The following NANOS3 variants were observed in gnomAD, a reference collection of about 807,000 sequenced individuals.
NANOS3 encodes nanos homolog 3.
A neutral mutation model predicts 13.8 loss-of-function variants in NANOS3; 11 were observed. The observed-to-expected ratio is 0.80, with a 90% CI of 0.50 to 1.32. The LOEUF is 1.32. NANOS3 is among the 40% of genes most tolerant of loss of function. The pLI is 0.00. For missense variants in NANOS3, 221 were observed against 263.8 expected, an observed-to-expected ratio of 0.84 and a Z score of 1.12; for synonymous variants, 119 against 115.4, an observed-to-expected ratio of 1.03 and a Z score of -0.20.
chr19:13,866,579 A>T (rs1019199743), intron 1 of NANOS3, among the ~76,000 whole-genome samples: 1 of 152,250 alleles, frequency 6.6e-6, no homozygotes, highest in Non-Finnish European at 1.5e-5. Flanking sequence ...AAGGGCTCGG[A>T]CATCCAGGGA....
At chr19:13,868,445 C>T (rs1292750698) in intron 1 of NANOS3, among the ~76,000 whole-genome samples, 1 of 151,824 alleles carries the variant, frequency 6.6e-6, no homozygotes, top group East Asian at 1.9e-4. Context: ...GAAATCTGAA[C>T]GAGCACAGTG....
chr19:13,872,410 C>T (rs998098720), upstream of NANOS3, among the ~76,000 whole-genome samples: 1 of 151,390 alleles, frequency 6.6e-6, no homozygotes, highest in Non-Finnish European at 1.5e-5. Flanking sequence ...AGGCTAGTCT[C>T]AACTTCTGGG....
In NANOS3 at chr19:13,877,649, G is replaced by A; in HGVS notation, c.401G>A (p.Gly134Asp). The A allele has an allele frequency of 6.2e-7, 1 of 1,612,216 alleles. No individual in the cohort carries two copies. The highest frequency in any genetic ancestry group is 8.5e-7 in the Non-Finnish European group (1 of 1,179,984). The part of the protein sequence containing the change: ...TRRFCPLTGQ[G>D]YTSVYSHTTR... Reference sequence around the variant, plus strand: ...CGCTTCTGCCCACTTACTGGCCAGGGCTACACCTCCGTCTACAGCCACACC... The same window carrying A: ...CGCTTCTGCCCACTTACTGGCCAGGACTACACCTCCGTCTACAGCCACACC... The change falls in exon 1 of 2, where the codon GGC (glycine) becomes GAC (aspartate). Residue 134 changes from glycine to aspartate, a missense_variant. By Grantham distance (94) the Gly-to-Asp change is moderately conservative. Coordinates refer to ENST00000339133, the MANE Select transcript of NANOS3 (RefSeq NM_001098622.3).
Position 13,865,551 on chromosome 19 carries a change from C to G in NANOS3, n.21+114C>G, listed in dbSNP as rs575488948. 6 of 146,028 alleles carry G rather than the reference C, an allele frequency of 4.1e-5. No homozygotes were observed. The South Asian group carries it at 6.3e-4, about 15-fold the overall frequency. 9.0% of individuals were successfully genotyped at this position (146,028 alleles called of 1,614,324 possible). On this transcript the variant is annotated intron_variant and non_coding_transcript_variant, in intron 1 of 2. Transcript: ENST00000591161. ...GCCGCAGCCCCCTCGCGCACCTGCT[C>G]GCAGCCCCGGGGCGGGCGCCCCGGC...
chr19:13,876,437 G>A (rs2145078595), upstream of NANOS3, among the ~76,000 whole-genome samples: 1 of 152,316 alleles, frequency 6.6e-6, no homozygotes, highest in Non-Finnish European at 1.5e-5. Flanking sequence ...TGGGATGACA[G>A]GCATGAGCCA....
At chr19:13,879,870 C>A (rs973010431) in intron 1 of NANOS3, among the ~76,000 whole-genome samples, 4 of 152,080 alleles carry the variant, frequency 2.6e-5, no homozygotes, top group Admixed American at 6.6e-5. Context: ...ACTGAAAATA[C>A]AAAAAATTAA....
At chr19:13,870,952 C>T (rs2145069717) in intron 1 of NANOS3, among the ~76,000 whole-genome samples, 1 of 151,962 alleles carries the variant, frequency 6.6e-6, no homozygotes, top group Non-Finnish European at 1.5e-5. Context: ...AAAGACCCTC[C>T]CAGCTGCACT....
At position 13,877,421 on chromosome 19, in the gene NANOS3, C is replaced by T. The variant is rs775979307; in HGVS notation, c.173C>T (p.Pro58Leu). Residue 58 changes from proline to leucine, a missense_variant, in exon 1 of 2, where the codon CCG (proline) becomes CTG (leucine). Around this residue, in one of 3 missense-constraint regions of NANOS3, gnomAD observed 112 missense variants for 116.3 expected, o/e 0.96. Coordinates refer to ENST00000339133, the MANE Select transcript of NANOS3 (RefSeq NM_001098622.3). ...PMPAPESVPV[P>L]GPKDQKRSLE... is the part of the protein sequence containing the mutation. ...CCAGCGCCGGAGTCGGTGCCAGTGC[C>T]GGGACCCAAGGATCAGAAGCGCAGC... is the stretch of plus-strand genomic sequence containing the variant. 1.2e-5 allele frequency: 19 copies of T among 1,612,280 alleles called. No individual in the cohort carries two copies. Among genetic ancestry groups the T allele is most frequent in the South Asian group, 5.5e-5 (5 of 91,080 alleles).
chr19:13,862,175 T>C (rs970350267), upstream of NANOS3: 1 of 152,422 alleles, frequency 6.6e-6, no homozygotes, highest in Non-Finnish European at 1.5e-5. Context: ...GAAGGAGAGT[T>C]AGACGTAGAG....
At chr19:13,873,346 T>C (rs552905652), upstream of NANOS3, among the ~76,000 whole-genome samples, 3 of 136,664 alleles carry the variant, frequency 2.2e-5, no homozygotes, top group Non-Finnish European at 4.8e-5. Flanking sequence ...CCGTGAGGGG[T>C]GTGGTGGGGG....
upstream of NANOS3, among the ~76,000 whole-genome samples, chr19:13,862,976 G>A (rs868384783): frequency 3.9e-5 from 6 of 152,328 alleles, no homozygotes; most frequent in South Asian, 1.2e-3. Flanking sequence ...GGCATTCCTG[G>A]GACCAGGAAG....
At chr19:13,871,448 G>A (rs1976326290) in intron 1 of NANOS3, among the ~76,000 whole-genome samples, 1 of 152,194 alleles carries the variant, frequency 6.6e-6, no homozygotes, top group African/African-American at 2.4e-5. Flanking sequence ...CAGGATTGGG[G>A]CTGCCGGCCT....
At chr19:13,864,679 C>T (rs1001195584), upstream of NANOS3, among the ~76,000 whole-genome samples, 1 of 152,032 alleles carries the variant, frequency 6.6e-6, no homozygotes, top group Non-Finnish European at 1.5e-5. Context: ...CTGTGATCTC[C>T]TGCGTGTCCG....
intron 1 of NANOS3, among the ~76,000 whole-genome samples, chr19:13,867,875 C>A (rs1015962427): frequency 6.6e-6 from 1 of 152,044 alleles, no homozygotes; most frequent in Non-Finnish European, 1.5e-5. Flanking sequence ...CGTCACCTAC[C>A]CTGAGACTTG....
chr19:13,867,079 T>C (rs944744621), intron 1 of NANOS3, among the ~76,000 whole-genome samples: 6 of 152,062 alleles, frequency 3.9e-5, no homozygotes, highest in African/African-American at 1.4e-4. Context: ...TAGCTGGGAT[T>C]ACAGGCGCGT....
At chr19:13,870,132 GCAGCCTCGACTTCCCTGGCTTCCGT>G (rs995688486) in intron 1 of NANOS3, among the ~76,000 whole-genome samples, 10 of 151,708 alleles carry the variant, frequency 6.6e-5, no homozygotes, top group East Asian at 1.9e-4. Context: ...CTCACTCACT[GCAGCCTCGACTTCCCTGGCTTCCGT>G]CAGCCTCGAC....
chr19:13,874,758 A>G, upstream of NANOS3: 1 of 534,404 alleles, frequency 1.9e-6, no homozygotes, highest in Non-Finnish European at 3.8e-6. Context: ...TGGGCAGCTC[A>G]GGCAAACCAT....
At chr19:13,867,034 G>A (rs146582750) in intron 1 of NANOS3, among the ~76,000 whole-genome samples, 4 of 152,052 alleles carry the variant, frequency 2.6e-5, no homozygotes, top group Non-Finnish European at 4.4e-5. Flanking sequence ...ACGATCTCCC[G>A]GATTCAAGCA....
upstream of NANOS3, chr19:13,874,904 A>C: frequency 1.9e-6 from 1 of 527,430 alleles, no homozygotes; most frequent in Non-Finnish European, 3.9e-6. Context: ...AGCCGAGGTC[A>C]CAATCAACAT....
Sources: gnomAD v4.1 joint callset for allele counts (sites outside exome capture counted in the v4.1 genomes callset) on GRCh38, gnomAD v4.1.1 for gene constraint, gnomAD v4.1.1 regional missense constraint, MANE v1.5 for transcripts, NCBI Gene and HGNC (gene_info 2026-07-23, HGNC 2026-07-21) for gene names.